SORCS2: variants seen among roughly 807,000 people sequenced by gnomAD.
SORCS2 encodes the protein sortilin related VPS10 domain containing receptor 2.
A neutral mutation model predicts 141.6 loss-of-function variants in SORCS2; 100 were observed. That is an observed-to-expected ratio of 0.71 (90% CI 0.60 to 0.83). The LOEUF (loss-of-function observed/expected upper bound fraction) is 0.83, where lower values mean the gene tolerates loss of function less well. Among genes scored for constraint, SORCS2 ranks in the 40% least tolerant of loss-of-function variants. The probability of loss-of-function intolerance (pLI) is 0.00; values close to 1 mark genes in which losing one functional copy is unlikely to be tolerated. For synonymous variants in SORCS2, 789 were observed against 676.9 expected, an observed-to-expected ratio of 1.17 and a Z score of -2.57; for missense variants, 1,646 against 1,560.2, an observed-to-expected ratio of 1.05 and a Z score of -0.93.
intron 1 of SORCS2, among the ~76,000 whole-genome samples, chr4:7,242,200 G>A: frequency 6.6e-6 from 1 of 152,082 alleles, no homozygotes; most frequent in East Asian, 1.9e-4. Flanking sequence ...GAGCCCTGTT[G>A]TCTTCTTCTT....
chr4:7,726,651 A>T, intron 20 of SORCS2, 129 bp from the exon 21 acceptor site: 1 of 1,211,262 alleles, frequency 8.3e-7, no homozygotes, highest in Non-Finnish European at 1.1e-6. Flanking sequence ...GGATGTCCAT[A>T]ATGGGCCCAT....
At chr4:7,679,822 C>G (rs1257919382) in intron 9 of SORCS2, among the ~76,000 whole-genome samples, 1 of 149,988 alleles carries the variant, frequency 6.7e-6, no homozygotes, top group Non-Finnish European at 1.5e-5. Flanking sequence ...TATGCAGAGA[C>G]ACACTGATAT....
intron 1 of SORCS2, among the ~76,000 whole-genome samples, chr4:7,216,295 G>C (rs188753912): frequency 1.3e-3 from 198 of 152,292 alleles, no homozygotes; most frequent in Admixed American, 4.8e-3. Flanking sequence ...GGAATGGTGA[G>C]CTCCACCGCC....
At chr4:7,590,973 C>A (rs557083888) in intron 3 of SORCS2, among the ~76,000 whole-genome samples, 1 of 152,308 alleles carries the variant, frequency 6.6e-6, no homozygotes, top group East Asian at 1.9e-4. Flanking sequence ...GGCTTGCTGG[C>A]AGCTTCCAGT....
chr4:7,338,876 C>T (rs141016654), intron 1 of SORCS2, among the ~76,000 whole-genome samples: 5 of 152,262 alleles, frequency 3.3e-5, no homozygotes, highest in East Asian at 1.9e-4. Context: ...GCTCTGTGGA[C>T]GGCAGTACTG....
At chr4:7,422,539 G>A (rs796894921) in intron 2 of SORCS2, among the ~76,000 whole-genome samples, 8 of 152,248 alleles carry the variant, frequency 5.3e-5, no homozygotes, top group African/African-American at 1.9e-4. Context: ...AGAGCTGGGG[G>A]CAGAGGTGGG....
At chr4:7,386,454 T>C (rs12509693) in intron 1 of SORCS2, among the ~76,000 whole-genome samples, 54,607 of 58,320 alleles carry the variant, frequency 0.94, 25,725 homozygotes, top group East Asian at 0.99. Flanking sequence ...GATACACATG[T>C]GCACGCACAC....
At chr4:7,263,855 C>T (rs963035543) in intron 1 of SORCS2, among the ~76,000 whole-genome samples, 9 of 152,210 alleles carry the variant, frequency 5.9e-5, no homozygotes, top group East Asian at 1.9e-4. Context: ...GGTTCATCCA[C>T]GGAGCTTGCT....
At chr4:7,451,212 GTGAA>G (rs1728442689) in intron 2 of SORCS2, among the ~76,000 whole-genome samples, 1 of 152,236 alleles carries the variant, frequency 6.6e-6, no homozygotes, top group African/African-American at 2.4e-5. Context: ...GAGTGAGTGA[GTGAA>G]TGAATGAATA....
At chr4:7,389,607 A>T (rs1014282706) in intron 1 of SORCS2, among the ~76,000 whole-genome samples, 1 of 152,124 alleles carries the variant, frequency 6.6e-6, no homozygotes, top group Non-Finnish European at 1.5e-5. Flanking sequence ...GGCTCAGGAG[A>T]TGGAGGTGTC....
intron 4 of SORCS2, among the ~76,000 whole-genome samples, chr4:7,640,102 G>A (rs1185772702): frequency 6.6e-6 from 1 of 151,478 alleles, no homozygotes; most frequent in Non-Finnish European, 1.5e-5. Context: ...TGTGCTTGTA[G>A]GTGTGTGTAA....
At chr4:7,565,235 C>T (rs61313477) in intron 3 of SORCS2, among the ~76,000 whole-genome samples, 13,446 of 152,138 alleles carry the variant, frequency 0.088, 682 homozygotes, top group African/African-American at 0.14. Flanking sequence ...ACAACTTCCC[C>T]GGCTGACCCT....
chr4:7,518,811 C>A (rs533405717), intron 2 of SORCS2, among the ~76,000 whole-genome samples: 2 of 152,198 alleles, frequency 1.3e-5, no homozygotes, highest in Non-Finnish European at 2.9e-5. Context: ...AGCCTGCCCC[C>A]CCGGCCCCCC....
At chr4:7,300,437 C>T (rs111377813) in intron 1 of SORCS2, among the ~76,000 whole-genome samples, 1 of 152,124 alleles carries the variant, frequency 6.6e-6, no homozygotes, top group African/African-American at 2.4e-5. Flanking sequence ...CTAGCTTCTG[C>T]ACCACTCTCA....
chr4:7,242,426 A>G (rs1194749682), intron 1 of SORCS2, among the ~76,000 whole-genome samples: 1 of 151,214 alleles, frequency 6.6e-6, no homozygotes, highest in Admixed American at 6.6e-5. Context: ...CTGGTCTCAA[A>G]CTCCTAGGCT....
At chr4:7,206,390 G>A (rs1047501626) in intron 1 of SORCS2, among the ~76,000 whole-genome samples, 19 of 152,190 alleles carry the variant, frequency 1.2e-4, no homozygotes, top group Non-Finnish European at 2.4e-4. Context: ...AAGCTCAGAG[G>A]CCTAGCTTTC....
intron 1 of SORCS2, among the ~76,000 whole-genome samples, chr4:7,388,479 A>G (rs879540250): frequency 6.6e-6 from 1 of 152,092 alleles, no homozygotes; most frequent in Non-Finnish European, 1.5e-5. Flanking sequence ...ATACAGCCAA[A>G]TGGTTCCAAA....
chr4:7,403,295 G>C (rs1724715112), intron 2 of SORCS2, among the ~76,000 whole-genome samples: 1 of 152,056 alleles, frequency 6.6e-6, no homozygotes, highest in African/African-American at 2.4e-5. Context: ...GTTTATACTG[G>C]GACTCGAGCT....
At chr4:7,416,688 G>C (rs570169617) in intron 2 of SORCS2, among the ~76,000 whole-genome samples, 1 of 149,008 alleles carries the variant, frequency 6.7e-6, no homozygotes, top group Non-Finnish European at 1.5e-5. Flanking sequence ...ACTCAGACAC[G>C]CATGCATGCA....
Sources: gnomAD v4.1 joint callset for allele counts (sites outside exome capture counted in the v4.1 genomes callset) on GRCh38, gnomAD v4.1.1 for gene constraint, MANE v1.5 for transcripts, NCBI Gene and HGNC (gene_info 2026-07-23, HGNC 2026-07-21) for gene names.